The following SLC35A3 variants were observed in gnomAD, a reference collection of about 807,000 sequenced individuals.
SLC35A3 encodes UDP-N-acetylglucosamine transporter.
SLC35A3 carries 26 observed loss-of-function variants against 39.0 expected under a neutral mutation model. The observed-to-expected ratio is 0.67, with a 90% confidence interval of 0.49 to 0.92. The LOEUF (loss-of-function observed/expected upper bound fraction) is 0.92, where lower values mean the gene tolerates loss of function less well. Ranked by LOEUF, SLC35A3 falls within the 40% of genes least tolerant of loss-of-function variation. The pLI, the probability that SLC35A3 is intolerant of heterozygous loss-of-function variation, is 0.00. For synonymous variants in SLC35A3, 135 were observed against 133.1 expected (o/e 1.01, Z -0.10); for missense variants, 299 against 371.6 (o/e 0.80, Z 1.61).
rs562633907 is a variant in SLC35A3, at chr1:100,001,624, T to TAAGA, written c.342+2210_342+2213dup. 1.0e-3 allele frequency among the ~76,000 whole-genome samples: 152 copies of TAAGA among 152,294 alleles called. 1 individual carries two copies. The highest frequency in any genetic ancestry group is 3.3e-3 in the African/African-American group (137 of 41,576). On this transcript the variant is annotated intron_variant, in intron 3 of 7. Coordinates refer to ENST00000533028, the MANE Select transcript of SLC35A3 (RefSeq NM_012243.3). The stretch of plus-strand genomic sequence containing the variant: ...TGGAATCTTTAGGGTCCTCTCTATA[T>TAAGA]AAGATCATGTCATTTGCAAAGAGGG...
chr1:99,981,059 C>G (rs1163901095), intron 1 of SLC35A3, among the ~76,000 whole-genome samples: 1 of 152,024 alleles, frequency 6.6e-6, no homozygotes, highest in African/African-American at 2.4e-5. Flanking sequence ...ATTATTTAGC[C>G]TGTAATAATA....
intron 1 of SLC35A3, among the ~76,000 whole-genome samples, chr1:99,991,220 A>G (rs1658060228): frequency 6.6e-6 from 1 of 152,180 alleles, no homozygotes. Context: ...ATCTCAGCTC[A>G]CTGCAACCTT....
chr1:100,013,539 A>G (rs1282422840), intron 5 of SLC35A3, among the ~76,000 whole-genome samples: 1 of 151,536 alleles, frequency 6.6e-6, no homozygotes, highest in East Asian at 1.9e-4. Flanking sequence ...CTTGAGTCCA[A>G]GAAGTCGAGG....
intron 1 of SLC35A3, among the ~76,000 whole-genome samples, chr1:99,975,828 G>T (rs1338267345): frequency 6.6e-6 from 1 of 152,176 alleles, no homozygotes; most frequent in East Asian, 1.9e-4. Flanking sequence ...GGGAGGCCTA[G>T]GTGAGAGGAT....
intron 1 of SLC35A3, chr1:99,974,976 C>T (rs1416770718): frequency 6.6e-6 from 1 of 150,842 alleles, no homozygotes; most frequent in Non-Finnish European, 1.5e-5. Context: ...GACAGGGTCT[C>T]ACTGTCACCT....
At chr1:100,006,668 C>T (rs934535232) in intron 3 of SLC35A3, among the ~76,000 whole-genome samples, 1 of 152,140 alleles carries the variant, frequency 6.6e-6, no homozygotes, top group Non-Finnish European at 1.5e-5. Flanking sequence ...CCTGGATGGT[C>T]TGCGCAGGTG....
chr1:100,025,971 ATGT>A lies in SLC35A3; in HGVS notation c.*3499_*3501del, dbSNP rs1660892162. ...AGTTCTTTAGTAAGTGATTTTAGAG[ATGT>A]TGTAGGCTACTTTTACGGTGGAATA... On this transcript the variant is annotated 3_prime_UTR_variant, in exon 8 of 8. Transcript: ENST00000533028. 1.3e-5 allele frequency: 2 copies of A among 152,126 alleles called. No individual in the cohort carries two copies. Among genetic ancestry groups the A allele is most frequent in the Admixed American group, 6.6e-5 (1 of 15,262 alleles). 9.4% of individuals were successfully genotyped at this position (152,126 alleles called of 1,614,324 possible). A position where few individuals can be genotyped will look rare whatever the true frequency, so the allele number is the denominator to read the frequency against.
chr1:100,027,560 T>C lies in SLC35A3; in HGVS notation c.*5084T>C, dbSNP rs1015631178. On this transcript the variant is annotated 3_prime_UTR_variant, in exon 8 of 8. Coordinates refer to ENST00000533028, the MANE Select transcript of SLC35A3 (RefSeq NM_012243.3). The stretch of plus-strand genomic sequence containing the variant: ...TAACAGCCTAACAGATTTTTTGTTT[T>C]AAATATCTCTAGGCTAGCCTCAAGG... 5.7e-6 allele frequency: 1 copy of C among 174,874 alleles called. No homozygotes were observed. Among genetic ancestry groups the C allele is most frequent in the African/African-American group, 2.4e-5 (1 of 42,542 alleles). The allele number at this position is 174,874 out of a possible 1,614,324, so 10.8% of individuals were successfully genotyped here. A position where few individuals can be genotyped will look rare whatever the true frequency, so the allele number is the denominator to read the frequency against.
Position 100,015,292 on chromosome 1 carries a change from T to C in SLC35A3, c.635-10T>C. 1 of 1,577,926 alleles carries C rather than the reference T, an allele frequency of 6.3e-7. No individual in the cohort carries two copies. The highest frequency in any genetic ancestry group is 8.6e-7 in the Non-Finnish European group (1 of 1,162,788). On this transcript the variant is annotated splice_polypyrimidine_tract_variant and intron_variant, in intron 5 of 7. Transcript: ENST00000533028. ...AAACGATATATCATGTAGACTTTAC[T>C]TTTTTTTAGGTTTCTTTGGAAGTAT...
intron 1 of SLC35A3, among the ~76,000 whole-genome samples, chr1:99,972,729 C>T (rs139375476): frequency 2.6e-5 from 4 of 152,276 alleles, no homozygotes; most frequent in African/African-American, 9.6e-5. Context: ...TGTAATGAAA[C>T]AGACTGTTAT....
intron 1 of SLC35A3, among the ~76,000 whole-genome samples, chr1:99,987,145 T>C (rs1355255956): frequency 2.0e-5 from 3 of 152,248 alleles, no homozygotes; most frequent in Non-Finnish European, 2.9e-5. Flanking sequence ...ATAAGCTATA[T>C]AGGCTGGTGT....
chr1:100,006,220 G>A (rs1278859381), intron 3 of SLC35A3, among the ~76,000 whole-genome samples: 3 of 152,168 alleles, frequency 2.0e-5, no homozygotes, highest in Non-Finnish European at 4.4e-5. Flanking sequence ...GTCCAGTGGT[G>A]GCAGTGGTGG....
chr1:99,970,666 G>A (rs1656753046), intron 1 of SLC35A3: 2 of 1,510,920 alleles, frequency 1.3e-6, no homozygotes, highest in Non-Finnish European at 1.8e-6. Flanking sequence ...AAGAACACAA[G>A]GACTGTTTGA....
chr1:99,974,103 A>G (rs1407752424), intron 1 of SLC35A3, among the ~76,000 whole-genome samples: 7 of 152,126 alleles, frequency 4.6e-5, no homozygotes, highest in Non-Finnish European at 7.4e-5. Context: ...AAGTATCTAC[A>G]TAGGACTTTA....
chr1:99,988,913 T>A (rs183690275), intron 1 of SLC35A3, among the ~76,000 whole-genome samples: 67 of 151,102 alleles, frequency 4.4e-4, no homozygotes, highest in African/African-American at 1.6e-3. Flanking sequence ...ACTACATGCA[T>A]GTAGCACCAA....
In SLC35A3 at chr1:100,011,760, C is replaced by T. The variant is rs1407752208; in HGVS notation, c.634+227C>T. 3.3e-5 allele frequency among the ~76,000 whole-genome samples: 5 copies of T among 150,934 alleles called. No individual in the cohort carries two copies. The East Asian group carries it at 9.8e-4, about 30-fold the overall frequency. On this transcript the variant is annotated intron_variant, in intron 5 of 7. Coordinates refer to ENST00000533028, the MANE Select transcript of SLC35A3 (RefSeq NM_012243.3). ...TTTTTGACAGATTCTCGCTCTCTCG[C>T]CCAGGCTGGAGTGCAGTGTGCAATC... is the stretch of plus-strand genomic sequence containing the variant.
Position 100,022,671 on chromosome 1 carries a change from G to A in SLC35A3, c.*195G>A. The A allele has an allele frequency of 2.6e-6, 1 of 378,488 alleles. No homozygotes were observed. The highest frequency in any genetic ancestry group is 4.7e-6 in the Non-Finnish European group (1 of 211,578). 23.4% of individuals were successfully genotyped at this position (378,488 alleles called of 1,614,324 possible). A position where few individuals can be genotyped will look rare whatever the true frequency, so the allele number is the denominator to read the frequency against. On this transcript the variant is annotated 3_prime_UTR_variant, in exon 8 of 8. Coordinates refer to ENST00000533028, the MANE Select transcript of SLC35A3 (RefSeq NM_012243.3). ...TGCATCTAGAAATCAAAACTTGAAA[G>A]TATTTCCAGGGATTAGGATTAGAAG...
chr1:99,993,614 G>A lies in SLC35A3; in HGVS notation c.60G>A (p.Leu20=). The change falls in exon 2 of 8, where the codon TTG becomes TTA. Residue 20 remains leucine, a synonymous_variant. Coordinates refer to ENST00000533028, the MANE Select transcript of SLC35A3 (RefSeq NM_012243.3). ...TTTTGGTCTTTCAGACTACCAGTTT[G>A]GTTCTAACAATGCGTTATTCCAGAA... is the stretch of plus-strand genomic sequence containing the variant. ...LGILVFQTTS[L]VLTMRYSRTL... 2 of 1,613,806 alleles carry A rather than the reference G, an allele frequency of 1.2e-6. No homozygotes were observed. Among genetic ancestry groups the A allele is most frequent in the Non-Finnish European group, 1.7e-6 (2 of 1,179,906 alleles).
chr1:99,994,449 C>G (rs566717587), intron 2 of SLC35A3, among the ~76,000 whole-genome samples: 1 of 152,118 alleles, frequency 6.6e-6, no homozygotes, highest in South Asian at 2.1e-4. Flanking sequence ...GTAATAACCC[C>G]CATTCTCCCT....
Sources: allele counts gnomAD v4.1 joint callset (sites outside exome capture counted in the v4.1 genomes callset), GRCh38; gene constraint gnomAD v4.1.1; transcripts MANE v1.5; gene names NCBI Gene and HGNC (gene_info 2026-07-23, HGNC 2026-07-21).